Variants in MET observed in about 807,000 individuals in gnomAD.
MET encodes the protein hepatocyte growth factor receptor.
A neutral mutation model predicts 133.1 loss-of-function variants in MET; 48 were observed. That is an observed-to-expected ratio of 0.36 (90% confidence interval 0.29 to 0.46). MET has a LOEUF of 0.46. MET is among the 20% of genes least tolerant of loss of function. The probability of loss-of-function intolerance (pLI) is 1.00; values close to 1 mark genes in which losing one functional copy is unlikely to be tolerated. For missense variants in MET, 1,442 were observed against 1,695.9 expected, an observed-to-expected ratio of 0.85 and a Z score of 2.63; for synonymous variants, 628 against 616.5, an observed-to-expected ratio of 1.02 and a Z score of -0.28.
intron 2 of MET, among the ~76,000 whole-genome samples, chr7:116,729,361 A>G (rs1792907249): frequency 6.6e-6 from 1 of 152,356 alleles, no homozygotes; most frequent in African/African-American, 2.4e-5. Flanking sequence ...GTTGATATAT[A>G]AAATAGAGCA....
chr7:116,686,940 T>C (rs1796583208), intron 1 of MET, among the ~76,000 whole-genome samples: 1 of 152,190 alleles, frequency 6.6e-6, no homozygotes, highest in Non-Finnish European at 1.5e-5. Flanking sequence ...GTATCCCCTC[T>C]GAAATACTCC....
intron 2 of MET, among the ~76,000 whole-genome samples, chr7:116,729,939 A>G (rs1249921143): frequency 6.6e-6 from 1 of 152,242 alleles, no homozygotes; most frequent in Non-Finnish European, 1.5e-5. Flanking sequence ...TGGCAATACC[A>G]TGGTGAACGA....
intron 17 of MET, among the ~76,000 whole-genome samples, chr7:116,779,880 A>G (rs1251127060): frequency 6.6e-6 from 1 of 152,184 alleles, no homozygotes; most frequent in Admixed American, 6.5e-5. Context: ...TTTATATTAC[A>G]TGTGTGTCTT....
chr7:116,795,633 G>C (rs371656811), intron 19 of MET, 22 bp from the exon 20 acceptor site: 8 of 1,613,148 alleles, frequency 5.0e-6, no homozygotes, highest in Non-Finnish European at 6.8e-6. Context: ...CACCTCATCT[G>C]TCCTGTTTCT....
intron 18 of MET, among the ~76,000 whole-genome samples, chr7:116,782,522 T>C (rs537985831): frequency 6.6e-6 from 1 of 152,290 alleles, no homozygotes; most frequent in East Asian, 1.9e-4. Context: ...CTACCAAAAA[T>C]GGTATTTGGC....
intron 1 of MET, among the ~76,000 whole-genome samples, chr7:116,683,343 G>A (rs1033507868): frequency 1.3e-5 from 2 of 152,096 alleles, no homozygotes; most frequent in African/African-American, 2.4e-5. Context: ...AGTTTGCTAA[G>A]GATAACAGCC....
chr7:116,709,061 G>A (rs1308499090), intron 2 of MET, among the ~76,000 whole-genome samples: 1 of 152,100 alleles, frequency 6.6e-6, no homozygotes, highest in Non-Finnish European at 1.5e-5. Flanking sequence ...TCATGTGCAT[G>A]GAGGGCCAAA....
intron 18 of MET, 56 bp downstream of exon 18, chr7:116,782,153 T>C: frequency 8.4e-7 from 1 of 1,192,978 alleles, no homozygotes; most frequent in Non-Finnish European, 1.2e-6. Context: ...GAGGAATCTG[T>C]TTCCCACTGT....
chr7:116,766,680 G>A (rs769799488), intron 11 of MET, among the ~76,000 whole-genome samples: 3 of 152,102 alleles, frequency 2.0e-5, no homozygotes, highest in African/African-American at 7.2e-5. Flanking sequence ...GGTGCTCAAC[G>A]CTTACTCTCA....
intron 2 of MET, among the ~76,000 whole-genome samples, chr7:116,705,716 G>T (rs2116633098): frequency 6.6e-6 from 1 of 152,182 alleles, no homozygotes; most frequent in African/African-American, 2.4e-5. Flanking sequence ...TAAGTAAAAG[G>T]TTATTAATTT....
chr7:116,738,109 A>T (rs191429758), intron 3 of MET, among the ~76,000 whole-genome samples: 1 of 152,330 alleles, frequency 6.6e-6, no homozygotes, highest in East Asian at 1.9e-4. Context: ...GGGTATTAAG[A>T]CAGACTGGTG....
intron 2 of MET, among the ~76,000 whole-genome samples, chr7:116,701,987 C>T (rs949414460): frequency 1.3e-5 from 2 of 152,092 alleles, no homozygotes; most frequent in African/African-American, 2.4e-5. Flanking sequence ...ATTGATATCT[C>T]ATTTTTTAAA....
chr7:116,789,539 C>T (rs1795420741), intron 19 of MET, among the ~76,000 whole-genome samples: 1 of 152,152 alleles, frequency 6.6e-6, no homozygotes, highest in Non-Finnish European at 1.5e-5. Flanking sequence ...AGAAAATTTC[C>T]TTATGCTCCT....
chr7:116,757,808 A>G (rs1291673362), intron 8 of MET, 34 bp downstream of exon 8: 2 of 1,599,754 alleles, frequency 1.3e-6, no homozygotes, highest in South Asian at 1.1e-5. Flanking sequence ...GCATCTGTCA[A>G]TTTGAATTAA....
At chr7:116,690,272 C>T (rs1186299119) in intron 1 of MET, among the ~76,000 whole-genome samples, 3 of 152,208 alleles carry the variant, frequency 2.0e-5, no homozygotes, top group African/African-American at 7.2e-5. Flanking sequence ...TCATGGCCAA[C>T]CCATGAGATG....
intron 2 of MET, among the ~76,000 whole-genome samples, chr7:116,729,628 A>C (rs1302438869): frequency 6.6e-6 from 1 of 152,110 alleles, no homozygotes; most frequent in Non-Finnish European, 1.5e-5. Context: ...ATGTAATGAA[A>C]TTTGCTCTCC....
At chr7:116,770,389 T>C (rs750451385) in intron 12 of MET, among the ~76,000 whole-genome samples, 3 of 152,198 alleles carry the variant, frequency 2.0e-5, no homozygotes, top group Non-Finnish European at 4.4e-5. Context: ...GTATATTATA[T>C]TGTCAATTTC....
intron 5 of MET, among the ~76,000 whole-genome samples, chr7:116,745,758 A>G (rs549112422): frequency 5.9e-5 from 9 of 152,352 alleles, no homozygotes; most frequent in African/African-American, 1.9e-4. Context: ...TCCCTTCCTT[A>G]CACCTTATAC....
chr7:116,790,318 A>T (rs1275781723), intron 19 of MET, among the ~76,000 whole-genome samples: 3 of 152,146 alleles, frequency 2.0e-5, no homozygotes, highest in Non-Finnish European at 4.4e-5. Context: ...TTTGTCTAAG[A>T]GTTTGACTAC....
Sources: gnomAD v4.1 joint callset for allele counts (sites outside exome capture counted in the v4.1 genomes callset) on GRCh38, gnomAD v4.1.1 for gene constraint, MANE v1.5 for transcripts, NCBI Gene and HGNC (gene_info 2026-07-23, HGNC 2026-07-21) for gene names.